The following ZNF577 variants were observed in gnomAD, a reference collection of about 807,000 sequenced individuals.
The protein encoded by ZNF577 is zinc finger protein 577.
In ZNF577, 14 loss-of-function variants were observed where a neutral mutation model predicts 13.9. The observed-to-expected ratio is 1.00, with a 90% CI of 0.66 to 1.57. The LOEUF is 1.57. Among genes scored for constraint, ZNF577 ranks in the 40% most tolerant of loss-of-function variants. The pLI is 0.00. For synonymous variants in ZNF577, 203 were observed against 202.9 expected (o/e 1.00, Z 0.00); for missense variants, 555 against 579.2 (o/e 0.96, Z 0.43).
At chr19:51,808,718 A>T (rs2084077169) in intron 10 of ZNF577, among the ~76,000 whole-genome samples, 1 of 152,212 alleles carries the variant, frequency 6.6e-6, no homozygotes, top group Admixed American at 6.5e-5. Context: ...TAGCCGCTGG[A>T]GATGGTGAAA....
At chr19:51,818,072 G>A (rs751044352) in intron 9 of ZNF577, among the ~76,000 whole-genome samples, 14 of 151,154 alleles carry the variant, frequency 9.3e-5, no homozygotes, top group African/African-American at 2.7e-4. Context: ...GGACATGGAC[G>A]AAGCTGGAAA....
rs1455510399 is a variant in ZNF577 at position 51,873,511 on chromosome 19, C to T, written c.479G>A (p.Cys160Tyr). Reference sequence around the variant, plus strand: ...GGAGAAGGCTCTCCCGCACACACTGCATTCATGTGGTTTCCCTCCTGCACA... The same window carrying T: ...GGAGAAGGCTCTCCCGCACACACTGTATTCATGTGGTTTCCCTCCTGCACA... ...KICAGGKPHE[C>Y]SVCGRAFSRK... is the part of the protein sequence containing the mutation. The change falls in exon 6 of 6, where the codon TGC (cysteine) becomes TAC (tyrosine). Residue 160 changes from cysteine to tyrosine, a missense_variant. Transcript: ENST00000638348. 3 of 1,614,092 alleles carry T rather than the reference C, an allele frequency of 1.9e-6. No individual in the cohort carries two copies. The highest frequency in any genetic ancestry group is 2.5e-6 in the Non-Finnish European group (3 of 1,180,038).
At chr19:51,837,365 G>C (rs2084293606) in intron 9 of ZNF577, among the ~76,000 whole-genome samples, 1 of 152,164 alleles carries the variant, frequency 6.6e-6, no homozygotes, top group Non-Finnish European at 1.5e-5. Context: ...AACTCTGATT[G>C]GTTGCTTCAG....
downstream of ZNF577, among the ~76,000 whole-genome samples, chr19:51,863,629 G>T (rs2084528220): frequency 6.6e-6 from 1 of 152,126 alleles, no homozygotes; most frequent in South Asian, 2.1e-4. Flanking sequence ...TTTGCAAAAA[G>T]AATGTGCAAG....
At chr19:51,850,032 GTTC>G (rs763530341) in intron 5 of ZNF577, among the ~76,000 whole-genome samples, 3 of 152,202 alleles carry the variant, frequency 2.0e-5, no homozygotes, top group Non-Finnish European at 4.4e-5. Context: ...GAACTGATTT[GTTC>G]TCTGTTCTGG....
intron 4 of ZNF577, chr19:51,878,025 T>C (rs142109457): frequency 0.016 from 2,659 of 165,232 alleles, 48 homozygotes; most frequent in Middle Eastern, 0.035. Flanking sequence ...AGACACTATA[T>C]AATTCCACTT....
In ZNF577 at chr19:51,839,679, C is replaced by T. The variant is rs1448481686; in HGVS notation, c.*599+214G>A. The T allele has an allele frequency of 4.0e-4, 61 of 152,262 alleles. 1 individual carries two copies. Among genetic ancestry groups the T allele is most frequent in the Admixed American group, 3.8e-3 (58 of 15,272 alleles). 9.4% of individuals were successfully genotyped at this position (152,262 alleles called of 1,614,324 possible). On this transcript the variant is annotated intron_variant and NMD_transcript_variant, in intron 9 of 10. Transcript: ENST00000638827. The stretch of plus-strand genomic sequence containing the variant: ...CGATAGCCATAATGGCCCCCAACTC[C>T]GCATCGCTTGCTCGCTTTTCCTGGT...
At chr19:51,879,098 A>G (rs953445817) in intron 3 of ZNF577, among the ~76,000 whole-genome samples, 2 of 151,998 alleles carry the variant, frequency 1.3e-5, no homozygotes, top group Non-Finnish European at 2.9e-5. Context: ...TCCACTAAAA[A>G]TACAAAAAAT....
chr19:51,820,989 T>C (rs765719123), intron 9 of ZNF577, among the ~76,000 whole-genome samples: 2 of 152,206 alleles, frequency 1.3e-5, no homozygotes, highest in Non-Finnish European at 1.5e-5. Context: ...GTAGCCACTA[T>C]TGCTATGAGC....
rs1201595467 is a variant in ZNF577, at chr19:51,867,602, G to A, written c.*4930C>T. 6.2e-5 allele frequency among the ~76,000 whole-genome samples: 9 copies of A among 145,300 alleles called. No homozygotes were observed. Among genetic ancestry groups the A allele is most frequent in the East Asian group, 2.0e-4 (1 of 4,966 alleles). On this transcript the variant is annotated 3_prime_UTR_variant, in exon 6 of 6. Transcript: ENST00000638348. Reference sequence around the variant, plus strand: ...AGACTGGCCAACATGATGAAACCCCGTCTCTACTAAAAATACAAAAAAAAA... The same window carrying A: ...AGACTGGCCAACATGATGAAACCCCATCTCTACTAAAAATACAAAAAAAAA...
rs1403352008 is a variant in ZNF577, at chr19:51,868,457, A to G, written c.*4075T>C. 6.6e-6 allele frequency among the ~76,000 whole-genome samples: 1 copy of G among 152,166 alleles called. No individual in the cohort carries two copies. The highest frequency in any genetic ancestry group is 1.5e-5 in the Non-Finnish European group (1 of 68,020). On this transcript the variant is annotated 3_prime_UTR_variant, in exon 6 of 6. Coordinates refer to ENST00000638348, the MANE Select transcript of ZNF577 (RefSeq NM_001370449.1). Reference sequence around the variant, plus strand: ...AACAAGGGCAAACATGTCCCACACAACAATGGGATTCTGTAGGACTGCTTC... The same window carrying G: ...AACAAGGGCAAACATGTCCCACACAGCAATGGGATTCTGTAGGACTGCTTC...
At chr19:51,813,076 G>A (rs1001186391) in intron 9 of ZNF577, among the ~76,000 whole-genome samples, 3 of 151,072 alleles carry the variant, frequency 2.0e-5, no homozygotes, top group African/African-American at 7.3e-5. Context: ...CCGAGATCAC[G>A]CCACTGCACT....
intron 5 of ZNF577, among the ~76,000 whole-genome samples, chr19:51,857,420 A>AAGAGAG: frequency 8.2e-6 from 1 of 121,534 alleles, no homozygotes. Flanking sequence ...GAAAGAAAGA[A>AAGAGAG]AGAAAGAAAA....
rs577061320 is a variant in ZNF577, at chr19:51,805,811, C to T, written c.*818-557G>A. On this transcript the variant is annotated intron_variant and NMD_transcript_variant, in intron 10 of 10. Transcript: ENST00000638827. ...CCAAGGAAACGATAGCAAAAATTAT[C>T]ATGCCTAAGGCTCTACGGGCACAAT... 1.2e-4 allele frequency among the ~76,000 whole-genome samples: 18 copies of T among 152,276 alleles called. 1 individual carries two copies. The South Asian group carries it at 3.5e-3, about 30-fold the overall frequency.
intron 9 of ZNF577, among the ~76,000 whole-genome samples, chr19:51,818,239 T>G (rs990170323): frequency 5.3e-5 from 8 of 152,230 alleles, no homozygotes; most frequent in Non-Finnish European, 1.2e-4. Flanking sequence ...ATTAATAATT[T>G]TTATTCTGAT....
At chr19:51,886,656 TA>T (rs1200527049) in intron 1 of ZNF577, among the ~76,000 whole-genome samples, 164 bp downstream of exon 1, 1 of 152,222 alleles carries the variant, frequency 6.6e-6, no homozygotes, top group Non-Finnish European at 1.5e-5. Flanking sequence ...AAAAACTTGA[TA>T]AATCACAGTA....
chr19:51,857,354 G>C (rs2084436113), intron 5 of ZNF577, among the ~76,000 whole-genome samples: 1 of 105,558 alleles, frequency 9.5e-6, no homozygotes, highest in African/African-American at 4.7e-5. Flanking sequence ...AAGAGAGAAA[G>C]AAAGAAGGAA....
chr19:51,827,247 T>C (rs1395134498), intron 9 of ZNF577, among the ~76,000 whole-genome samples: 1 of 152,182 alleles, frequency 6.6e-6, no homozygotes, highest in Non-Finnish European at 1.5e-5. Context: ...TATCTTAGCC[T>C]ACAACCAGGA....
chr19:51,813,160 A>ACACACC (rs1555740553), intron 9 of ZNF577, among the ~76,000 whole-genome samples: 1 of 147,246 alleles, frequency 6.8e-6, no homozygotes, highest in Non-Finnish European at 1.5e-5. Context: ...ACACACACAC[A>ACACACC]CCCCATAAAT....
Sources: gnomAD v4.1 joint callset for allele counts (sites outside exome capture counted in the v4.1 genomes callset) on GRCh38, gnomAD v4.1.1 for gene constraint, MANE v1.5 for transcripts, NCBI Gene and HGNC (gene_info 2026-07-23, HGNC 2026-07-21) for gene names.